The following ADAMTS18 variants were observed in gnomAD, a reference collection of about 807,000 sequenced individuals.
ADAMTS18 encodes A disintegrin and metalloproteinase with thrombospondin motifs 18.
In ADAMTS18, 157 loss-of-function variants were observed where a neutral mutation model predicts 165.9. That is an observed-to-expected ratio of 0.95 (90% CI 0.83 to 1.08). ADAMTS18 has a LOEUF of 1.08. Among genes scored for constraint, ADAMTS18 ranks in the 50% least tolerant of loss-of-function variants. ADAMTS18 has a pLI of 0.00. For missense variants in ADAMTS18, 2,040 were observed against 1,534.0 expected (o/e 1.33, Z -5.51); for synonymous variants, 782 against 578.2 (o/e 1.35, Z -5.06).
intron 3 of ADAMTS18, among the ~76,000 whole-genome samples, chr16:77,419,676 C>T (rs910652240): frequency 6.6e-6 from 1 of 152,086 alleles, no homozygotes; most frequent in African/African-American, 2.4e-5. Context: ...GAGAAAGTGT[C>T]GGTACACTGG....
At chr16:77,400,583 G>A (rs1481934896) in intron 3 of ADAMTS18, among the ~76,000 whole-genome samples, 4 of 151,168 alleles carry the variant, frequency 2.6e-5, no homozygotes, top group African/African-American at 9.7e-5. Context: ...CCGGGTTCAC[G>A]CCATTCTCCT....
At chr16:77,314,003 A>C (rs908539208) in intron 16 of ADAMTS18, among the ~76,000 whole-genome samples, 5 of 152,178 alleles carry the variant, frequency 3.3e-5, no homozygotes, top group African/African-American at 1.2e-4. Context: ...GCTCCAAACT[A>C]TCCTGGCCAT....
chr16:77,320,116 G>A lies in ADAMTS18; in HGVS notation c.2288-23C>T, dbSNP rs1195912738. ...ATTCTAAATGGAAAGAAGAGAACAT[G>A]TCTGAATTCCACCCCATGCATTGGA... On this transcript the variant is annotated intron_variant, in intron 15 of 22. Coordinates refer to ENST00000282849, the MANE Select transcript of ADAMTS18 (RefSeq NM_199355.4). 5 of 1,613,820 alleles carry A rather than the reference G, an allele frequency of 3.1e-6. No individual in the cohort carries two copies. The Admixed American group carries it at 8.3e-5, about 27-fold the overall frequency.
chr16:77,346,588 A>T (rs1247180234), intron 10 of ADAMTS18, among the ~76,000 whole-genome samples: 1 of 152,196 alleles, frequency 6.6e-6, no homozygotes, highest in Non-Finnish European at 1.5e-5. Flanking sequence ...CGAAAGTATG[A>T]CTATCTCCTC....
intron 22 of ADAMTS18, among the ~76,000 whole-genome samples, chr16:77,285,292 C>G (rs376135406): frequency 6.6e-6 from 1 of 152,126 alleles, no homozygotes; most frequent in Non-Finnish European, 1.5e-5. Flanking sequence ...CCTGCGTAAG[C>G]CTCCTGGGTA....
intron 10 of ADAMTS18, among the ~76,000 whole-genome samples, chr16:77,346,634 T>TA (rs1266850952): frequency 6.6e-6 from 1 of 152,198 alleles, no homozygotes; most frequent in East Asian, 1.9e-4. Flanking sequence ...TCAGAGAAAT[T>TA]AAGAAACTTC....
chr16:77,377,086 A>T (rs933008428), intron 3 of ADAMTS18, among the ~76,000 whole-genome samples: 1 of 152,194 alleles, frequency 6.6e-6, no homozygotes, highest in Non-Finnish European at 1.5e-5. Flanking sequence ...AAGATCTGGG[A>T]TTACAGGCAT....
In ADAMTS18 at chr16:77,431,411, G is replaced by C. The variant is rs199986004; in HGVS notation, c.379C>G (p.Leu127Val). ...ILSSHFIVQV[L>V]GKDGASETQK... ...GTCTCTGAAGCACCATCTTTTCCAA[G>C]TACCTGGACAATAAAGTGACTGCTC... Residue 127 changes from leucine to valine, a missense_variant, in exon 3 of 23, where the codon CTT becomes GTT. Leu to Val is a conservative substitution (Grantham distance 32, BLOSUM62 1). Transcript: ENST00000282849. The C allele has an allele frequency of 4.3e-6, 7 of 1,614,132 alleles. No individual in the cohort carries two copies. The South Asian group carries it at 5.5e-5, about 13-fold the overall frequency.
chr16:77,300,315 A>G lies in ADAMTS18; in HGVS notation c.2622T>C (p.Pro874=), dbSNP rs1437520495. Residue 874 remains proline, a synonymous_variant, in exon 17 of 23, where the codon CCT becomes CCC. Transcript: ENST00000282849. ...MNGTPPATKR[P]AYTWSIVQSE... The stretch of plus-strand genomic sequence containing the variant: ...ACTGCACGATACTCCAGGTATAGGC[A>G]GGTCTTTTTGTGGCTGGTGGAGTTC... 1.2e-6 allele frequency: 2 copies of G among 1,614,138 alleles called. No homozygotes were observed. The highest frequency in any genetic ancestry group is 1.7e-6 in the Non-Finnish European group (2 of 1,179,984).
At chr16:77,303,751 G>C (rs547998012) in intron 16 of ADAMTS18, among the ~76,000 whole-genome samples, 3 of 152,142 alleles carry the variant, frequency 2.0e-5, no homozygotes, top group Admixed American at 6.5e-5. Flanking sequence ...TCAAGTGCTA[G>C]GGCCGGACGC....
chr16:77,323,118 CAAAAATTAAAA>C lies in ADAMTS18; in HGVS notation c.2033-663_2033-653del, dbSNP rs201785380. On this transcript the variant is annotated intron_variant, in intron 13 of 22. Transcript: ENST00000282849. ...CCTGAGATGTTTCTGATATCAAAGG[CAAAAATTAAAA>C]AAAAATTATATTTATAGAGCTCTTG... Among the ~76,000 whole-genome samples, 49 of 151,858 alleles carry C rather than the reference CAAAAATTAAAA, an allele frequency of 3.2e-4. 3 individuals carry two copies. The East Asian group carries it at 9.3e-3, about 29-fold the overall frequency.
At chr16:77,418,032 C>A (rs1465502752) in intron 3 of ADAMTS18, among the ~76,000 whole-genome samples, 1 of 152,116 alleles carries the variant, frequency 6.6e-6, no homozygotes, top group African/African-American at 2.4e-5. Context: ...CATAAAAATG[C>A]AAGGGTGAAT....
intron 19 of ADAMTS18, 151 bp from the exon 20 acceptor site, chr16:77,293,409 C>T (rs2055406444): frequency 1.5e-6 from 1 of 683,160 alleles, no homozygotes; most frequent in Non-Finnish European, 2.5e-6. Flanking sequence ...TAACCACCCC[C>T]ATTCCCATTA....
intron 12 of ADAMTS18, among the ~76,000 whole-genome samples, chr16:77,328,109 T>C (rs2056126216): frequency 6.6e-6 from 1 of 152,088 alleles, no homozygotes; most frequent in African/African-American, 2.4e-5. Flanking sequence ...CATTAGAACA[T>C]AAATAATGAC....
chr16:77,302,178 T>G (rs934451662), intron 16 of ADAMTS18, among the ~76,000 whole-genome samples: 1 of 152,166 alleles, frequency 6.6e-6, no homozygotes, highest in Non-Finnish European at 1.5e-5. Flanking sequence ...CTGTTAATGT[T>G]TTCATCTGAT....
intron 3 of ADAMTS18, among the ~76,000 whole-genome samples, chr16:77,382,259 G>A (rs949788593): frequency 1.3e-5 from 2 of 152,176 alleles, no homozygotes; most frequent in South Asian, 2.1e-4. Context: ...TGCCCAGGCT[G>A]GAGTGCAGTG....
intron 10 of ADAMTS18, among the ~76,000 whole-genome samples, chr16:77,347,247 G>A (rs1010113704): frequency 6.6e-6 from 1 of 152,174 alleles, no homozygotes; most frequent in African/African-American, 2.4e-5. Context: ...GAATCAAATA[G>A]TAGCTGAGAA....
chr16:77,334,082 A>C (rs1378159501), intron 12 of ADAMTS18, among the ~76,000 whole-genome samples: 2 of 110,244 alleles, frequency 1.8e-5, no homozygotes, highest in Admixed American at 1.2e-4. Context: ...TATAATATAC[A>C]GTGTTATATA....
chr16:77,282,900 TTC>T lies in ADAMTS18; in HGVS notation c.*1054_*1055del, dbSNP rs1555507099. The T allele has an allele frequency of 8.4e-5, 9 of 107,126 alleles. No homozygotes were observed. Among genetic ancestry groups the T allele is most frequent in the African/African-American group, 1.2e-4 (4 of 32,606 alleles). 6.6% of individuals were successfully genotyped at this position (107,126 alleles called of 1,614,324 possible). A position where few individuals can be genotyped will look rare whatever the true frequency, so the allele number is the denominator to read the frequency against. ...TTATTACCACTGTTTACTCCTTTCT[TTC>T]TCTCTTTTTTTTTTTTTTTTTTTTG... On this transcript the variant is annotated 3_prime_UTR_variant, in exon 23 of 23. Coordinates refer to ENST00000282849, the MANE Select transcript of ADAMTS18 (RefSeq NM_199355.4).
Sources: gnomAD v4.1 joint callset for allele counts (sites outside exome capture counted in the v4.1 genomes callset) on GRCh38, gnomAD v4.1.1 for gene constraint, MANE v1.5 for transcripts, NCBI Gene and HGNC (gene_info 2026-07-23, HGNC 2026-07-21) for gene names.